CARMIL1: variants seen among roughly 807,000 people sequenced by gnomAD.
The protein encoded by CARMIL1 is capping protein regulator and myosin 1 linker 1, also known as F-actin-uncapping protein LRRC16A.
A neutral mutation model predicts 177.1 loss-of-function variants in CARMIL1; 90 were observed. That is an observed-to-expected ratio of 0.51 (90% CI 0.43 to 0.61). The LOEUF (loss-of-function observed/expected upper bound fraction) is 0.61. Ranked by LOEUF, CARMIL1 falls within the 20% of genes least tolerant of loss-of-function variation. The pLI is 0.00. For synonymous variants in CARMIL1, 577 were observed against 606.2 expected, an observed-to-expected ratio of 0.95 and a Z score of 0.71; for missense variants, 1,380 against 1,667.0, an observed-to-expected ratio of 0.83 and a Z score of 3.00.
chr6:25,541,672 G>A (rs1357974605), intron 26 of CARMIL1, among the ~76,000 whole-genome samples: 1 of 151,900 alleles, frequency 6.6e-6, no homozygotes, highest in Non-Finnish European at 1.5e-5. Flanking sequence ...TTTGTTTTTT[G>A]AGATGGTGTG....
chr6:25,513,587 G>A (rs1387159798), intron 20 of CARMIL1, among the ~76,000 whole-genome samples: 2 of 152,158 alleles, frequency 1.3e-5, no homozygotes, highest in African/African-American at 4.8e-5. Flanking sequence ...TGATATCTGA[G>A]TCTTGAAACC....
At chr6:25,595,717 A>AT (rs1350882228) in intron 32 of CARMIL1, among the ~76,000 whole-genome samples, 3 of 152,038 alleles carry the variant, frequency 2.0e-5, no homozygotes, top group Admixed American at 6.6e-5. Flanking sequence ...TTGATTTTTA[A>AT]TTTTTTTATA....
At chr6:25,468,040 A>G (rs1283605842) in intron 9 of CARMIL1, among the ~76,000 whole-genome samples, 1 of 152,208 alleles carries the variant, frequency 6.6e-6, no homozygotes, top group Non-Finnish European at 1.5e-5. Flanking sequence ...AAGGGCAAAA[A>G]TAAGTGGCTG....
chr6:25,606,382 C>A, intron 35 of CARMIL1, 109 bp downstream of exon 35: 3 of 960,874 alleles, frequency 3.1e-6, no homozygotes, highest in Non-Finnish European at 4.6e-6. Context: ...CGAGGTACAG[C>A]GGCTTCTGCA....
At position 25,316,745 on chromosome 6, in the gene CARMIL1, T is replaced by C. The variant is rs549298373; in HGVS notation, c.138+31836T>C. On this transcript the variant is annotated intron_variant, in intron 2 of 36. Coordinates refer to ENST00000329474, the MANE Select transcript of CARMIL1 (RefSeq NM_017640.6). ...TAATTTTTTTTAAAGACTAGTCTAG[T>C]GTAATAGAAGAGGGAAAGAGAAGAA... Among the ~76,000 whole-genome samples, 139 of 152,030 alleles carry C rather than the reference T, an allele frequency of 9.1e-4. 1 individual carries two copies. The highest frequency in any genetic ancestry group is 3.0e-3 in the African/African-American group (123 of 41,468).
intron 5 of CARMIL1, among the ~76,000 whole-genome samples, chr6:25,437,964 C>T (rs1465553741): frequency 6.6e-6 from 1 of 152,184 alleles, no homozygotes; most frequent in East Asian, 1.9e-4. Context: ...GTTATCTTTT[C>T]ATAATTCAAA....
chr6:25,313,839 A>C (rs1032784533), intron 2 of CARMIL1, among the ~76,000 whole-genome samples: 2 of 151,218 alleles, frequency 1.3e-5, no homozygotes, highest in African/African-American at 4.9e-5. Context: ...GTTTTTTTTC[A>C]CTTCTCAGAG....
chr6:25,388,509 A>G (rs9467482), intron 2 of CARMIL1, among the ~76,000 whole-genome samples: 2 of 152,058 alleles, frequency 1.3e-5, no homozygotes, highest in African/African-American at 4.8e-5. Flanking sequence ...GATTACAGGC[A>G]GGCGCCACCA....
intron 12 of CARMIL1, among the ~76,000 whole-genome samples, chr6:25,487,152 A>G (rs538792324): frequency 3.1e-4 from 47 of 152,300 alleles, no homozygotes; most frequent in South Asian, 1.0e-3. Context: ...TCAGTTTATT[A>G]TAACTCTCTG....
At chr6:25,548,389 T>C (rs73395734) in intron 26 of CARMIL1, among the ~76,000 whole-genome samples, 2,433 of 152,154 alleles carry the variant, frequency 0.016, 42 homozygotes, top group African/African-American at 0.048. Context: ...ATTGTTTGAG[T>C]GGGGAGGGGA....
rs372585445 is a variant in CARMIL1 at position 25,606,201 on chromosome 6, C to G, written c.3775C>G (p.Leu1259Val). The G allele has an allele frequency of 8.1e-5, 131 of 1,613,848 alleles. No individual in the cohort carries two copies. Among genetic ancestry groups the G allele is most frequent in the Non-Finnish European group, 1.1e-4 (124 of 1,179,872 alleles). Residue 1259 changes from leucine to valine, a missense_variant, in exon 35 of 37, where the codon CTG (leucine) becomes GTG (valine). Coordinates refer to ENST00000329474, the MANE Select transcript of CARMIL1 (RefSeq NM_017640.6). ...SSTPTSPKPL[L>V]QSPKPSLAAR... ...CACACCTACGAGCCCGAAGCCCCTCCTGCAGTCCCCCAAACCCAGTCTGGC... is the reference window on the plus strand; with the variant it reads ...CACACCTACGAGCCCGAAGCCCCTCGTGCAGTCCCCCAAACCCAGTCTGGC...
chr6:25,305,079 A>C (rs773295386), intron 2 of CARMIL1, among the ~76,000 whole-genome samples: 19 of 152,206 alleles, frequency 1.2e-4, no homozygotes, highest in Non-Finnish European at 2.4e-4. Context: ...TTCTGAATAT[A>C]ACTGTGAGAA....
chr6:25,440,348 C>T (rs964774431), intron 5 of CARMIL1, among the ~76,000 whole-genome samples: 9 of 152,210 alleles, frequency 5.9e-5, no homozygotes, highest in Non-Finnish European at 1.3e-4. Flanking sequence ...AAAGGCAATT[C>T]ACATGAAGAG....
chr6:25,499,203 G>A (rs1804058306), intron 16 of CARMIL1, among the ~76,000 whole-genome samples: 1 of 152,182 alleles, frequency 6.6e-6, no homozygotes, highest in South Asian at 2.1e-4. Context: ...CTGAGTGGAG[G>A]TCCTTTTCCT....
chr6:25,476,751 A>G (rs1801611045), intron 11 of CARMIL1, among the ~76,000 whole-genome samples: 1 of 152,148 alleles, frequency 6.6e-6, no homozygotes, highest in African/African-American at 2.4e-5. Flanking sequence ...GTTATACAGG[A>G]TATAAAAAAC....
chr6:25,377,410 T>A lies in CARMIL1; in HGVS notation c.139-42704T>A, dbSNP rs1036395626. ...GAGTGCTCCCTTGATGTCATGTACT[T>A]CTTCTTCCCTTAGGAGTAGAAATCC... On this transcript the variant is annotated intron_variant, in intron 2 of 36. Coordinates refer to ENST00000329474, the MANE Select transcript of CARMIL1 (RefSeq NM_017640.6). Among the ~76,000 whole-genome samples, 5 of 152,300 alleles carry A rather than the reference T, an allele frequency of 3.3e-5. No individual in the cohort carries two copies. In the East Asian group the frequency reaches 7.7e-4, roughly 24 times the overall value.
intron 2 of CARMIL1, among the ~76,000 whole-genome samples, chr6:25,290,317 A>G (rs770011445): frequency 1.2e-4 from 17 of 146,954 alleles, no homozygotes; most frequent in Admixed American, 2.7e-4. Flanking sequence ...TGCTTCTTGA[A>G]CTCCTGGGTT....
Position 25,606,153 on chromosome 6 carries a change from T to C in CARMIL1, c.3727T>C (p.Ser1243Pro). Residue 1243 changes from serine to proline, a missense_variant, in exon 35 of 37, where the codon TCC (serine) becomes CCC (proline). Transcript: ENST00000329474. Reference sequence around the variant, plus strand: ...AGCAGAACCCAAAGCGGAAGCAGGCTCCAGGTCTCGGAGCTCATCCAGCAC... The same window carrying C: ...AGCAGAACCCAAAGCGGAAGCAGGCCCCAGGTCTCGGAGCTCATCCAGCAC... Reference protein sequence around the residue: ...TKAEPKAEAGSRSRSSSSTPT... With the variant: ...TKAEPKAEAGPRSRSSSSTPT... 1 of 1,613,892 alleles carries C rather than the reference T, an allele frequency of 6.2e-7. No individual in the cohort carries two copies. Among genetic ancestry groups the C allele is most frequent in the South Asian group, 1.1e-5 (1 of 91,054 alleles).
chr6:25,590,634 G>T (rs934686041), intron 31 of CARMIL1, among the ~76,000 whole-genome samples: 5 of 152,096 alleles, frequency 3.3e-5, no homozygotes, highest in Non-Finnish European at 7.4e-5. Flanking sequence ...ATACTTGTAT[G>T]TAGATATATT....
Sources: allele counts gnomAD v4.1 joint callset (sites outside exome capture counted in the v4.1 genomes callset), GRCh38; gene constraint gnomAD v4.1.1; transcripts MANE v1.5; gene names NCBI Gene and HGNC (gene_info 2026-07-23, HGNC 2026-07-21).